CDK6: variants seen among roughly 807,000 people sequenced by gnomAD.
The protein encoded by CDK6 is cyclin dependent kinase 6, also known as cyclin-dependent kinase 6.
CDK6 carries 6 observed loss-of-function variants against 37.1 expected under a neutral mutation model. The ratio of observed to expected loss-of-function variants is 0.16; its 90% CI spans 0.09 to 0.32. The LOEUF (loss-of-function observed/expected upper bound fraction) is 0.32, where lower values mean the gene tolerates loss of function less well. CDK6 is among the 10% of genes least tolerant of loss of function. CDK6 has a pLI of 1.00. For synonymous variants in CDK6, 160 were observed against 161.3 expected, an observed-to-expected ratio of 0.99 and a Z score of 0.06; for missense variants, 224 against 418.9, an observed-to-expected ratio of 0.53 and a Z score of 4.06.
At chr7:92,761,079 AT>A (rs1483086532) in intron 3 of CDK6, among the ~76,000 whole-genome samples, 1 of 152,062 alleles carries the variant, frequency 6.6e-6, no homozygotes, top group Non-Finnish European at 1.5e-5. Context: ...TATTAAGGAT[AT>A]TAAACCTTTG....
intron 2 of CDK6, among the ~76,000 whole-genome samples, chr7:92,826,024 A>G (rs1358198675): frequency 6.6e-6 from 1 of 152,170 alleles, no homozygotes; most frequent in African/African-American, 2.4e-5. Flanking sequence ...GTAATCCAAT[A>G]TGCAGATCCG....
intron 5 of CDK6, among the ~76,000 whole-genome samples, chr7:92,647,366 A>C (rs1418936238): frequency 6.6e-6 from 1 of 152,236 alleles, no homozygotes; most frequent in Non-Finnish European, 1.5e-5. Context: ...GGGTCAGGAA[A>C]GGTTTCTTTA....
In CDK6 at chr7:92,613,145, C is replaced by G. The variant is rs1330135216; in HGVS notation, c.*1995G>C. 1 of 233,030 alleles carries G rather than the reference C, an allele frequency of 4.3e-6. No individual in the cohort carries two copies. The highest frequency in any genetic ancestry group is 2.2e-5 in the African/African-American group (1 of 45,334). 14.4% of individuals were successfully genotyped at this position (233,030 alleles called of 1,614,324 possible). ...TGTTCCTCAAGCTACTGAATTAGAACAATGTTAAGTAGTACAGCAATTAAA... is the reference window on the plus strand; with the variant it reads ...TGTTCCTCAAGCTACTGAATTAGAAGAATGTTAAGTAGTACAGCAATTAAA... On this transcript the variant is annotated 3_prime_UTR_variant, in exon 8 of 8. Transcript: ENST00000424848.
At chr7:92,631,637 A>G (rs1051675367) in intron 5 of CDK6, among the ~76,000 whole-genome samples, 3 of 152,138 alleles carry the variant, frequency 2.0e-5, no homozygotes, top group Non-Finnish European at 4.4e-5. Context: ...TTAGGTCTAC[A>G]TGGTTAAATT....
At chr7:92,799,727 T>C (rs1342672164) in intron 2 of CDK6, among the ~76,000 whole-genome samples, 1 of 152,184 alleles carries the variant, frequency 6.6e-6, no homozygotes, top group Non-Finnish European at 1.5e-5. Flanking sequence ...TTTCTCCTTA[T>C]TGTGGGACAA....
At chr7:92,680,950 A>G (rs1212832810) in intron 4 of CDK6, among the ~76,000 whole-genome samples, 1 of 152,148 alleles carries the variant, frequency 6.6e-6, no homozygotes, top group Admixed American at 6.5e-5. Context: ...CTTGCATTAT[A>G]GCTTTTCCAT....
At chr7:92,806,212 C>A (rs753428444) in intron 2 of CDK6, among the ~76,000 whole-genome samples, 1 of 152,092 alleles carries the variant, frequency 6.6e-6, no homozygotes, top group African/African-American at 2.4e-5. Flanking sequence ...TAATCCTCAA[C>A]GTGAGATAAA....
At chr7:92,659,635 C>CACACA (rs1481618058) in intron 5 of CDK6, among the ~76,000 whole-genome samples, 1 of 147,370 alleles carries the variant, frequency 6.8e-6, no homozygotes, top group African/African-American at 2.5e-5. Flanking sequence ...CACACACACA[C>CACACA]CACACACACA....
intron 3 of CDK6, among the ~76,000 whole-genome samples, chr7:92,745,004 A>T (rs1249076457): frequency 1.3e-5 from 2 of 152,118 alleles, no homozygotes; most frequent in African/African-American, 4.8e-5. Context: ...TATATTCATG[A>T]GGTGCAATGT....
At chr7:92,711,588 T>TA (rs1487880124) in intron 4 of CDK6, among the ~76,000 whole-genome samples, 1 of 121,194 alleles carries the variant, frequency 8.3e-6, no homozygotes, top group Non-Finnish European at 1.6e-5. Context: ...TTTTTTAAGA[T>TA]AGAGTGTCTA....
In CDK6 at chr7:92,612,984, C is replaced by A. The variant is rs1401236667; in HGVS notation, c.*2156G>T. 4.3e-6 allele frequency: 1 copy of A among 232,944 alleles called. No individual in the cohort carries two copies. Among genetic ancestry groups the A allele is most frequent in the East Asian group, 6.1e-5 (1 of 16,520 alleles). 14.4% of individuals were successfully genotyped at this position (232,944 alleles called of 1,614,324 possible). A position where few individuals can be genotyped will look rare whatever the true frequency, so the allele number is the denominator to read the frequency against. ...CATGTGAGACTTTGAGTAGACCTGA[C>A]CTTGAATGCTGTGGATTCATTATAT... On this transcript the variant is annotated 3_prime_UTR_variant, in exon 8 of 8. Coordinates refer to ENST00000424848, the MANE Select transcript of CDK6 (RefSeq NM_001145306.2).
At chr7:92,732,123 T>C (rs1019868579) in intron 3 of CDK6, among the ~76,000 whole-genome samples, 2 of 152,202 alleles carry the variant, frequency 1.3e-5, no homozygotes, top group African/African-American at 4.8e-5. Context: ...CACTTTTCTA[T>C]AATGAAATTT....
At chr7:92,672,182 C>G (rs1228066863) in intron 4 of CDK6, among the ~76,000 whole-genome samples, 13 of 94,740 alleles carry the variant, frequency 1.4e-4, no homozygotes, top group Non-Finnish European at 1.4e-4. Flanking sequence ...CACACACACA[C>G]AGACACATAC....
At chr7:92,721,539 C>T (rs1332144707) in intron 4 of CDK6, among the ~76,000 whole-genome samples, 1 of 152,194 alleles carries the variant, frequency 6.6e-6, no homozygotes, top group Non-Finnish European at 1.5e-5. Context: ...AGGTATAATA[C>T]TCTGTATGGG....
At chr7:92,720,395 A>G (rs1475698342) in intron 4 of CDK6, among the ~76,000 whole-genome samples, 1 of 152,154 alleles carries the variant, frequency 6.6e-6, no homozygotes, top group Non-Finnish European at 1.5e-5. Flanking sequence ...GCCATTTACA[A>G]TCTATTTGGT....
intron 2 of CDK6, among the ~76,000 whole-genome samples, chr7:92,784,449 T>A (rs1445595659): frequency 6.6e-6 from 1 of 152,204 alleles, no homozygotes; most frequent in Non-Finnish European, 1.5e-5. Context: ...CAACCTCAGC[T>A]ATAGATCAGG....
chr7:92,679,474 T>C (rs1173953391), intron 4 of CDK6, among the ~76,000 whole-genome samples: 1 of 152,232 alleles, frequency 6.6e-6, no homozygotes, highest in African/African-American at 2.4e-5. Context: ...TTCAACAACA[T>C]GTCTCAAATA....
chr7:92,750,321 A>ATTT (rs1799159292), intron 3 of CDK6, among the ~76,000 whole-genome samples: 1 of 152,150 alleles, frequency 6.6e-6, no homozygotes, highest in Non-Finnish European at 1.5e-5. Flanking sequence ...GGCTACATAT[A>ATTT]TTCCAAGGAA....
chr7:92,655,287 A>G (rs1435416945), intron 5 of CDK6, among the ~76,000 whole-genome samples: 1 of 152,158 alleles, frequency 6.6e-6, no homozygotes, highest in Non-Finnish European at 1.5e-5. Context: ...AAAAGCTCCC[A>G]ATATTTTAAA....
Sources: allele counts gnomAD v4.1 joint callset (sites outside exome capture counted in the v4.1 genomes callset), GRCh38; gene constraint gnomAD v4.1.1; transcripts MANE v1.5; gene names NCBI Gene and HGNC (gene_info 2026-07-23, HGNC 2026-07-21).